The following LTBP1 variants were observed in gnomAD, a reference collection of about 807,000 sequenced individuals.
The protein encoded by LTBP1 is latent-transforming growth factor beta-binding protein 1.
In LTBP1, 129 loss-of-function variants were observed where a neutral mutation model predicts 207.6. The ratio of observed to expected loss-of-function variants is 0.62; its 90% CI spans 0.54 to 0.72. The LOEUF (loss-of-function observed/expected upper bound fraction) is 0.72, where lower values mean the gene tolerates loss of function less well. Ranked by LOEUF, LTBP1 falls within the 30% of genes least tolerant of loss-of-function variation. The pLI is 0.00. For synonymous variants in LTBP1, 963 were observed against 833.7 expected (o/e 1.16, Z -2.67); for missense variants, 2,281 against 2,217.2 (o/e 1.03, Z -0.58).
intron 9 of LTBP1, among the ~76,000 whole-genome samples, chr2:33,229,375 G>A (rs2091654637): frequency 6.6e-6 from 1 of 152,090 alleles, no homozygotes; most frequent in South Asian, 2.1e-4. Context: ...CTGAGAAGCT[G>A]AGGCAGAAGG....
intron 2 of LTBP1, among the ~76,000 whole-genome samples, chr2:33,009,394 GGTC>G (rs1687366314): frequency 6.6e-6 from 1 of 152,158 alleles, no homozygotes; most frequent in Admixed American, 6.5e-5. Flanking sequence ...TTGGACATAG[GGTC>G]CTTGCAGATG....
intron 3 of LTBP1, among the ~76,000 whole-genome samples, chr2:33,064,506 G>T (rs1030155078): frequency 6.6e-6 from 1 of 152,208 alleles, no homozygotes; most frequent in Admixed American, 6.5e-5. Context: ...GCTTCATGGG[G>T]TAATGCAGAG....
At chr2:33,087,375 T>A (rs973487763) in intron 3 of LTBP1, among the ~76,000 whole-genome samples, 1 of 152,132 alleles carries the variant, frequency 6.6e-6, no homozygotes, top group Admixed American at 6.5e-5. Context: ...GCCTCACTTA[T>A]GTTCTATTTA....
intron 10 of LTBP1, among the ~76,000 whole-genome samples, chr2:33,244,665 G>A (rs1436269196): frequency 6.6e-6 from 1 of 152,152 alleles, no homozygotes; most frequent in East Asian, 1.9e-4. Flanking sequence ...AAGAGATGGG[G>A]TCTTGCTATG....
chr2:33,283,250 C>G (rs550072510), intron 19 of LTBP1, among the ~76,000 whole-genome samples: 11 of 151,796 alleles, frequency 7.2e-5, no homozygotes, highest in African/African-American at 2.2e-4. Flanking sequence ...TTTAGAGATC[C>G]CTTGGTGGTC....
intron 31 of LTBP1, among the ~76,000 whole-genome samples, chr2:33,388,524 A>G (rs1297789182): frequency 1.3e-5 from 2 of 152,174 alleles, no homozygotes; most frequent in Non-Finnish European, 2.9e-5. Flanking sequence ...CTTTTAGTGC[A>G]TCGATGTGTA....
intron 9 of LTBP1, among the ~76,000 whole-genome samples, chr2:33,240,875 C>T (rs2092295881): frequency 6.6e-6 from 1 of 152,008 alleles, no homozygotes. Context: ...TGGTCTCGAT[C>T]TCCTGACTTC....
At chr2:33,342,697 A>T in intron 24 of LTBP1, 141 bp from the exon 25 acceptor site, 1 of 683,496 alleles carries the variant, frequency 1.5e-6, no homozygotes, top group Non-Finnish European at 2.2e-6. Flanking sequence ...AATATTTTAA[A>T]AGCTGTTTTC....
intron 19 of LTBP1, among the ~76,000 whole-genome samples, chr2:33,292,492 G>T (rs565065816): frequency 6.6e-6 from 1 of 152,290 alleles, no homozygotes; most frequent in South Asian, 2.1e-4. Context: ...TAAGGATTTT[G>T]TTCGGATTAA....
chr2:33,222,399 G>A (rs550327503), intron 9 of LTBP1, among the ~76,000 whole-genome samples: 2 of 152,188 alleles, frequency 1.3e-5, no homozygotes, highest in Admixed American at 1.3e-4. Context: ...AAAAGAGTTT[G>A]GATCACATTA....
intron 3 of LTBP1, among the ~76,000 whole-genome samples, chr2:33,102,338 T>C (rs551023793): frequency 6.6e-6 from 1 of 152,286 alleles, no homozygotes; most frequent in African/African-American, 2.4e-5. Flanking sequence ...TTTTTCCCAG[T>C]AGATGCCAGG....
At chr2:33,119,805 G>A (rs1287141549) in intron 4 of LTBP1, among the ~76,000 whole-genome samples, 5 of 152,086 alleles carry the variant, frequency 3.3e-5, no homozygotes, top group South Asian at 2.1e-4. Context: ...TGATCCTCCC[G>A]CCTTGGCCTC....
intron 3 of LTBP1, among the ~76,000 whole-genome samples, chr2:33,024,566 G>A (rs1265657633): frequency 1.3e-5 from 2 of 152,156 alleles, no homozygotes; most frequent in African/African-American, 2.4e-5. Flanking sequence ...TTGGTTTTAG[G>A]CAACTTGATT....
At chr2:33,272,604 C>T (rs879707920) in intron 15 of LTBP1, among the ~76,000 whole-genome samples, 7 of 152,178 alleles carry the variant, frequency 4.6e-5, no homozygotes, top group African/African-American at 1.4e-4. Context: ...CTTTCATTCT[C>T]ATACTTTGAA....
At position 33,361,411 on chromosome 2, in the gene LTBP1, T is replaced by G. The variant is rs2094925720; in HGVS notation, c.4184-18T>G. The G allele has an allele frequency of 6.6e-7, 1 of 1,506,692 alleles. No homozygotes were observed. Among genetic ancestry groups the G allele is most frequent in the African/African-American group, 1.4e-5 (1 of 70,858 alleles). The allele number at this position is 1,506,692 out of a possible 1,614,324, so 93.3% of individuals were successfully genotyped here. A position where few individuals can be genotyped will look rare whatever the true frequency, so the allele number is the denominator to read the frequency against. Reference sequence around the variant, plus strand: ...AGATGTTGAATCTTTTTTTTTTTTTTGTCTCTTCTAAAATCAGCTGAGTTC... The same window carrying G: ...AGATGTTGAATCTTTTTTTTTTTTTGGTCTCTTCTAAAATCAGCTGAGTTC... On this transcript the variant is annotated intron_variant, in intron 27 of 33. Coordinates refer to ENST00000404816, the MANE Select transcript of LTBP1 (RefSeq NM_206943.4).
At chr2:32,956,003 A>G (rs1333601954) in intron 2 of LTBP1, among the ~76,000 whole-genome samples, 1 of 152,210 alleles carries the variant, frequency 6.6e-6, no homozygotes. Context: ...TATATACTAT[A>G]TTGTAGACTA....
chr2:33,140,949 C>A (rs1036329936), intron 5 of LTBP1, among the ~76,000 whole-genome samples: 1 of 152,222 alleles, frequency 6.6e-6, no homozygotes, highest in African/African-American at 2.4e-5. Flanking sequence ...CAGGCGTAAG[C>A]CACCACGCCC....
intron 7 of LTBP1, among the ~76,000 whole-genome samples, chr2:33,216,018 A>G (rs897884824): frequency 1.3e-5 from 2 of 152,040 alleles, no homozygotes; most frequent in Admixed American, 6.6e-5. Context: ...TGGCCCCTCC[A>G]TTGGTTTTCA....
At chr2:33,083,797 CG>C (rs770416954) in intron 3 of LTBP1, among the ~76,000 whole-genome samples, 1 of 152,132 alleles carries the variant, frequency 6.6e-6, no homozygotes, top group Non-Finnish European at 1.5e-5. Context: ...GGTCGAGAAA[CG>C]ATCAGTGACT....
Sources: allele counts gnomAD v4.1 joint callset (sites outside exome capture counted in the v4.1 genomes callset), GRCh38; gene constraint gnomAD v4.1.1; transcripts MANE v1.5; gene names NCBI Gene and HGNC (gene_info 2026-07-23, HGNC 2026-07-21).